SCRN1: variants seen among roughly 807,000 people sequenced by gnomAD.
SCRN1 encodes secernin-1.
SCRN1 carries 19 observed loss-of-function variants against 43.3 expected under a neutral mutation model. The observed-to-expected ratio is 0.44, with a 90% CI of 0.31 to 0.64. The LOEUF (loss-of-function observed/expected upper bound fraction) is 0.64, where lower values mean the gene tolerates loss of function less well. Ranked by LOEUF, SCRN1 falls within the 30% of genes least tolerant of loss-of-function variation. The pLI is 0.09. For missense variants in SCRN1, 447 were observed against 524.1 expected (o/e 0.85, Z 1.44); for synonymous variants, 183 against 188.9 (o/e 0.97, Z 0.26).
intron 1 of SCRN1, chr7:29,969,731 C>T: frequency 2.3e-6 from 1 of 435,276 alleles, no homozygotes; most frequent in Admixed American, 2.5e-5. Flanking sequence ...TGGGAAAATG[C>T]ATCCATGCTC....
intron 3 of SCRN1, chr7:29,947,289 C>A: frequency 6.4e-7 from 1 of 1,550,824 alleles, no homozygotes; most frequent in Non-Finnish European, 8.7e-7. Context: ...ATGTCAAGCT[C>A]ACCCTGCCCG....
intron 6 of SCRN1, among the ~76,000 whole-genome samples, chr7:29,928,445 T>C (rs1471536993): frequency 2.0e-5 from 3 of 152,174 alleles, no homozygotes; most frequent in Non-Finnish European, 4.4e-5. Context: ...GATCACAATA[T>C]GCAAAATTGG....
rs11978707 is a variant in SCRN1 at position 29,983,757 on chromosome 7, T to A, written c.-2+5885A>T. 3.3e-5 allele frequency among the ~76,000 whole-genome samples: 5 copies of A among 152,240 alleles called. No individual in the cohort carries two copies. In the South Asian group the frequency reaches 6.2e-4, roughly 19 times the overall value. Reference sequence around the variant, plus strand: ...ATATTATAAAGTTCCAGTATTAAGATAGTTTGTTACTGATAGAATCAGAAG... The same window carrying A: ...ATATTATAAAGTTCCAGTATTAAGAAAGTTTGTTACTGATAGAATCAGAAG... On this transcript the variant is annotated intron_variant, in intron 1 of 7. Transcript: ENST00000242059.
chr7:29,961,681 G>T (rs1192893802), intron 2 of SCRN1, among the ~76,000 whole-genome samples: 1 of 151,576 alleles, frequency 6.6e-6, no homozygotes, highest in Non-Finnish European at 1.5e-5. Context: ...CGGACGGGGC[G>T]GCTGGCCGGG....
chr7:29,974,348 T>C (rs1788745278), intron 1 of SCRN1, among the ~76,000 whole-genome samples: 1 of 152,214 alleles, frequency 6.6e-6, no homozygotes, highest in South Asian at 2.1e-4. Flanking sequence ...ATACTTTCTT[T>C]TACCTTTTTT....
intron 3 of SCRN1, among the ~76,000 whole-genome samples, chr7:29,949,604 T>C (rs543520752): frequency 6.6e-6 from 1 of 151,962 alleles, no homozygotes; most frequent in East Asian, 2.0e-4. Context: ...CTTTAACTCC[T>C]GGGCTCAAGC....
At chr7:29,935,145 T>C (rs1299328268) in intron 6 of SCRN1, among the ~76,000 whole-genome samples, 1 of 152,214 alleles carries the variant, frequency 6.6e-6, no homozygotes, top group East Asian at 1.9e-4. Flanking sequence ...TGGTACACAG[T>C]AGGTGCTTAG....
At chr7:29,939,290 C>T (rs1007625055) in intron 5 of SCRN1, among the ~76,000 whole-genome samples, 25 of 151,932 alleles carry the variant, frequency 1.6e-4, no homozygotes, top group South Asian at 6.2e-4. Context: ...CATACCTCAC[C>T]GCAGCCTTGA....
chr7:29,957,448 T>G (rs1030716748), intron 2 of SCRN1, among the ~76,000 whole-genome samples: 1 of 152,258 alleles, frequency 6.6e-6, no homozygotes, highest in Admixed American at 6.5e-5. Context: ...CCATTCCATT[T>G]ATCCCCTTCT....
chr7:29,920,126 T>A lies in SCRN1; in HGVS notation c.*3831A>T, dbSNP rs972136180. On this transcript the variant is annotated 3_prime_UTR_variant, in exon 8 of 8. Transcript: ENST00000242059. The stretch of plus-strand genomic sequence containing the variant: ...ACTGGATGTTAATTTCAGTTTTTTT[T>A]ATTGTATGCTTGATGCATTTAGAGA... 2.0e-5 allele frequency: 3 copies of A among 152,624 alleles called. No homozygotes were observed. The highest frequency in any genetic ancestry group is 2.1e-4 in the South Asian group (1 of 4,826). 9.5% of individuals were successfully genotyped at this position (152,624 alleles called of 1,614,324 possible). A position where few individuals can be genotyped will look rare whatever the true frequency, so the allele number is the denominator to read the frequency against.
intron 1 of SCRN1, among the ~76,000 whole-genome samples, chr7:29,983,029 T>G (rs1040518949): frequency 4.0e-5 from 6 of 151,732 alleles, no homozygotes; most frequent in Non-Finnish European, 5.9e-5. Context: ...AGTAGAGACG[T>G]GGTTTCACCA....
At chr7:29,948,503 A>C (rs1049684891) in intron 3 of SCRN1, among the ~76,000 whole-genome samples, 9 of 152,188 alleles carry the variant, frequency 5.9e-5, no homozygotes, top group African/African-American at 1.4e-4. Flanking sequence ...CAAACTACAG[A>C]CCTTTCCAAA....
intron 1 of SCRN1, among the ~76,000 whole-genome samples, chr7:29,971,379 TC>T (rs1449915743): frequency 2.6e-5 from 4 of 152,312 alleles, no homozygotes; most frequent in South Asian, 2.1e-4. Context: ...ATGCCTGTAA[TC>T]CCAGCACTTT....
At chr7:29,975,892 T>C (rs894926459) in intron 1 of SCRN1, among the ~76,000 whole-genome samples, 2 of 152,250 alleles carry the variant, frequency 1.3e-5, no homozygotes, top group East Asian at 3.8e-4. Context: ...TTATCTGTAG[T>C]TTGTACTATA....
chr7:29,949,912 G>C (rs575928571), intron 3 of SCRN1, among the ~76,000 whole-genome samples: 1 of 152,364 alleles, frequency 6.6e-6, no homozygotes, highest in South Asian at 2.1e-4. Context: ...CTGGGCTCAA[G>C]TGATCCTCAT....
At chr7:29,978,201 G>C (rs1788889061) in intron 1 of SCRN1, among the ~76,000 whole-genome samples, 1 of 152,202 alleles carries the variant, frequency 6.6e-6, no homozygotes, top group African/African-American at 2.4e-5. Context: ...GATTTGGTTG[G>C]TTTGGCCCAG....
chr7:29,967,329 A>C (rs2128097250), intron 2 of SCRN1, among the ~76,000 whole-genome samples: 1 of 152,282 alleles, frequency 6.6e-6, no homozygotes, highest in East Asian at 1.9e-4. Flanking sequence ...TACTTAACAA[A>C]ATTTAATATC....
chr7:29,951,263 C>T (rs951138005), intron 3 of SCRN1, among the ~76,000 whole-genome samples: 20 of 152,366 alleles, frequency 1.3e-4, no homozygotes, highest in South Asian at 4.1e-4. Flanking sequence ...CTGCCCATCC[C>T]GCCACAGCTG....
intron 1 of SCRN1, among the ~76,000 whole-genome samples, chr7:29,978,583 T>C (rs922931141): frequency 6.6e-6 from 1 of 152,108 alleles, no homozygotes; most frequent in East Asian, 1.9e-4. Context: ...CTTCTCTAAC[T>C]CTGAGCCAGA....
Sources: gnomAD v4.1 joint callset for allele counts (sites outside exome capture counted in the v4.1 genomes callset) on GRCh38, gnomAD v4.1.1 for gene constraint, MANE v1.5 for transcripts, NCBI Gene and HGNC (gene_info 2026-07-23, HGNC 2026-07-21) for gene names.